The following AGMO variants were observed in gnomAD, a reference collection of about 807,000 sequenced individuals.
AGMO encodes the protein glyceryl-ether monooxygenase.
AGMO carries 75 observed loss-of-function variants against 60.2 expected under a neutral mutation model. The ratio of observed to expected loss-of-function variants is 1.25; its 90% CI spans 1.03 to 1.51. AGMO has a LOEUF of 1.51. AGMO is among the 40% of genes most tolerant of loss of function. The pLI is 0.00. For synonymous variants in AGMO, 261 were observed against 177.1 expected, an observed-to-expected ratio of 1.47 and a Z score of -3.76; for missense variants, 763 against 525.5, an observed-to-expected ratio of 1.45 and a Z score of -4.42.
At chr7:15,267,073 A>T (rs1411876009) in intron 12 of AGMO, among the ~76,000 whole-genome samples, 1 of 152,042 alleles carries the variant, frequency 6.6e-6, no homozygotes, top group African/African-American at 2.4e-5. Context: ...AATCTTCCTC[A>T]TTAGAGGCGT....
At chr7:15,269,452 A>G (rs1783529677) in intron 12 of AGMO, among the ~76,000 whole-genome samples, 1 of 152,052 alleles carries the variant, frequency 6.6e-6, no homozygotes, top group Non-Finnish European at 1.5e-5. Context: ...GCTAGGAATG[A>G]GGATACCAAA....
rs1783411640 is a variant in AGMO at position 15,375,418 on chromosome 7, C to CA, written c.1075-9197dup. Among the ~76,000 whole-genome samples, 3 of 106,588 alleles carry CA rather than the reference C, an allele frequency of 2.8e-5. No homozygotes were observed. In the Admixed American group the frequency reaches 3.9e-4, roughly 14 times the overall value. 69.9% of individuals were successfully genotyped at this position (106,588 alleles called of 152,430 possible). On this transcript the variant is annotated intron_variant, in intron 10 of 12. Coordinates refer to ENST00000342526, the MANE Select transcript of AGMO (RefSeq NM_001004320.2). ...TTTTTTTTTTTTTTTTTTTTTGAGA[C>CA]AGAGTCTTGCTCTGTTGCCTAGGCT... is the stretch of plus-strand genomic sequence containing the variant.
At chr7:15,345,255 C>G (rs1023088991) in intron 12 of AGMO, among the ~76,000 whole-genome samples, 2 of 152,094 alleles carry the variant, frequency 1.3e-5, no homozygotes, top group Admixed American at 6.6e-5. Context: ...TAGTTTTTTT[C>G]TCTTGCTGTT....
the AGMO span, among the ~76,000 whole-genome samples, chr7:15,134,151 A>G: frequency 6.6e-6 from 1 of 151,990 alleles, no homozygotes; most frequent in Admixed American, 6.6e-5. Flanking sequence ...TGTAGTACCT[A>G]ATAGGTATTT....
chr7:15,396,483 G>A (rs1005957848), intron 5 of AGMO: 4 of 152,232 alleles, frequency 2.6e-5, no homozygotes, highest in African/African-American at 9.7e-5. Flanking sequence ...CATAAACGTG[G>A]CAGGGACCCA....
intron 12 of AGMO, among the ~76,000 whole-genome samples, chr7:15,324,998 TA>T (rs1304064808): frequency 3.9e-5 from 6 of 151,926 alleles, no homozygotes; most frequent in Non-Finnish European, 7.4e-5. Flanking sequence ...AATTAAAAAT[TA>T]AAAAAAAATT....
intron 12 of AGMO, among the ~76,000 whole-genome samples, chr7:15,310,792 G>A (rs973085239): frequency 2.0e-5 from 3 of 152,104 alleles, no homozygotes; most frequent in South Asian, 2.1e-4. Flanking sequence ...CTCACTGTTC[G>A]AAAATCAAGG....
chr7:15,545,134 A>G (rs983255051), intron 2 of AGMO, among the ~76,000 whole-genome samples: 1 of 152,134 alleles, frequency 6.6e-6, no homozygotes, highest in Non-Finnish European at 1.5e-5. Context: ...TTTCATAGGC[A>G]TCATGGATGC....
At chr7:15,143,657 G>A in the AGMO span, among the ~76,000 whole-genome samples, 1 of 151,062 alleles carries the variant, frequency 6.6e-6, no homozygotes, top group Non-Finnish European at 1.5e-5. Context: ...GACGGAGTTG[G>A]CACTGAAGTT....
chr7:15,260,616 G>C (rs918961162), intron 12 of AGMO, among the ~76,000 whole-genome samples: 3 of 152,118 alleles, frequency 2.0e-5, no homozygotes, highest in African/African-American at 7.2e-5. Flanking sequence ...CATCAAGACA[G>C]AAAGTCAACA....
At chr7:15,330,067 T>C (rs1232211180) in intron 12 of AGMO, among the ~76,000 whole-genome samples, 1 of 54,914 alleles carries the variant, frequency 1.8e-5, no homozygotes, top group African/African-American at 4.3e-5. Context: ...ATTTTCTTTT[T>C]TCTTTCTATC....
the AGMO span, among the ~76,000 whole-genome samples, chr7:15,158,784 G>T: frequency 1.6e-3 from 249 of 152,186 alleles, 1 homozygote; most frequent in Non-Finnish European, 2.3e-3. Flanking sequence ...TTTCTAGAGG[G>T]AGATAAATTG....
chr7:15,185,155 C>T, the AGMO span, among the ~76,000 whole-genome samples: 1 of 152,062 alleles, frequency 6.6e-6, no homozygotes. Flanking sequence ...ATACGGCCTA[C>T]TTAATTTTTC....
At chr7:15,369,886 AC>A (rs2128564050) in intron 10 of AGMO, among the ~76,000 whole-genome samples, 1 of 152,228 alleles carries the variant, frequency 6.6e-6, no homozygotes, top group East Asian at 1.9e-4. Context: ...TTTTGGGAAA[AC>A]TGAATCTATT....
At chr7:15,483,406 A>T (rs7802208) in intron 3 of AGMO, among the ~76,000 whole-genome samples, 82,579 of 151,786 alleles carry the variant, frequency 0.54, 25,322 homozygotes, top group East Asian at 0.96. Flanking sequence ...CTCTACTAAA[A>T]ATACAAAAAA....
chr7:15,261,254 C>T (rs544348556), intron 12 of AGMO, among the ~76,000 whole-genome samples: 1 of 151,766 alleles, frequency 6.6e-6, no homozygotes, highest in Non-Finnish European at 1.5e-5. Flanking sequence ...GTTGATAGAC[C>T]GTTAGTGAGA....
downstream of AGMO, among the ~76,000 whole-genome samples, chr7:15,197,158 A>T (rs1781138822): frequency 6.6e-6 from 1 of 152,112 alleles, no homozygotes; most frequent in Non-Finnish European, 1.5e-5. Context: ...CTGAAAGTCA[A>T]ACTAGTCTGT....
intron 3 of AGMO, among the ~76,000 whole-genome samples, chr7:15,522,780 G>C (rs1018444073): frequency 6.6e-6 from 1 of 152,010 alleles, no homozygotes; most frequent in African/African-American, 2.4e-5. Context: ...CTGGACATAG[G>C]CATGGGCAAA....
chr7:15,551,973 T>C (rs1389779142), intron 2 of AGMO, among the ~76,000 whole-genome samples: 3 of 151,724 alleles, frequency 2.0e-5, no homozygotes, highest in Non-Finnish European at 4.4e-5. Context: ...AAAACAGAGA[T>C]ATAGATCAAT....
Sources: gnomAD v4.1 joint callset for allele counts (sites outside exome capture counted in the v4.1 genomes callset) on GRCh38, gnomAD v4.1.1 for gene constraint, MANE v1.5 for transcripts, NCBI Gene and HGNC (gene_info 2026-07-23, HGNC 2026-07-21) for gene names.